The following BCAS3 variants were observed in gnomAD, a reference collection of about 807,000 sequenced individuals.
The protein encoded by BCAS3 is BCAS3 microtubule associated cell migration factor, also known as BCAS4/BCAS3 fusion.
In BCAS3, 53 loss-of-function variants were observed where a neutral mutation model predicts 116.1. The ratio of observed to expected loss-of-function variants is 0.46; its 90% CI spans 0.37 to 0.57. BCAS3 has a LOEUF of 0.57. Among genes scored for constraint, BCAS3 ranks in the 20% least tolerant of loss-of-function variants. The pLI is 0.00. For missense variants in BCAS3, 917 were observed against 1,165.4 expected (o/e 0.79, Z 3.10); for synonymous variants, 391 against 408.2 (o/e 0.96, Z 0.51).
In BCAS3 at chr17:61,368,324, C is replaced by A. The variant is rs1171806708; in HGVS notation, c.2426-3C>A. 6.3e-7 allele frequency: 1 copy of A among 1,590,832 alleles called. No individual in the cohort carries two copies. Among genetic ancestry groups the A allele is most frequent in the South Asian group, 1.1e-5 (1 of 89,610 alleles). ...AACGTCAGATGTCCCGTGTGTGCCA[C>A]AGGTACCTTTGACAGGAGCGTGACC... On this transcript the variant is annotated splice_polypyrimidine_tract_variant and splice_region_variant and intron_variant, in intron 22 of 23. Coordinates refer to ENST00000407086, the MANE Select transcript of BCAS3 (RefSeq NM_017679.5). This position sits in a 1 kb window ranked among gnomAD's most constrained non-coding sequence, Gnocchi z 6.0.
chr17:61,142,453 C>T (rs570849582), intron 22 of BCAS3, among the ~76,000 whole-genome samples: 1 of 152,218 alleles, frequency 6.6e-6, no homozygotes, highest in Admixed American at 6.5e-5. Context: ...GCCATCAGCC[C>T]TCATGTAAAA....
Position 61,224,795 on chromosome 17 carries a change from A to G in BCAS3, c.2425+140231A>G, listed in dbSNP as rs1429565584. Among the ~76,000 whole-genome samples the G allele has an allele frequency of 6.6e-6, 1 of 152,218 alleles. No individual in the cohort carries two copies. The highest frequency in any genetic ancestry group is 3.2e-3 in the Middle Eastern group (1 of 316). On this transcript the variant is annotated intron_variant, in intron 22 of 23. Coordinates refer to ENST00000407086, the MANE Select transcript of BCAS3 (RefSeq NM_017679.5). The surrounding 1 kb of genome is among the most constrained non-coding windows in gnomAD (Gnocchi z 5.7). ...CATTATTTCAAGATTTAATCAATATAAAAATAGACTGAAGTACTTTTAGCA... is the reference window on the plus strand; with the variant it reads ...CATTATTTCAAGATTTAATCAATATGAAAATAGACTGAAGTACTTTTAGCA...
chr17:61,089,821 C>T (rs562636751), intron 22 of BCAS3, among the ~76,000 whole-genome samples: 46 of 151,168 alleles, frequency 3.0e-4, no homozygotes, highest in South Asian at 6.3e-4. Flanking sequence ...CATGAACCAC[C>T]GCGCCCAACC....
intron 22 of BCAS3, among the ~76,000 whole-genome samples, chr17:61,099,908 A>G (rs1042783072): frequency 6.6e-6 from 1 of 152,246 alleles, no homozygotes; most frequent in Non-Finnish European, 1.5e-5. Flanking sequence ...CATTAAGCCA[A>G]AACATTTTGT....
At position 61,286,757 on chromosome 17, in the gene BCAS3, TACC is replaced by T. The variant is rs1330689100; in HGVS notation, c.2426-81568_2426-81566del. Among the ~76,000 whole-genome samples the T allele has an allele frequency of 6.6e-6, 1 of 152,188 alleles. No individual in the cohort carries two copies. Among genetic ancestry groups the T allele is most frequent in the Non-Finnish European group, 1.5e-5 (1 of 68,034 alleles). ...TGGTCTCTAAACTCTGCCACGGGCTTACCAGAGTGAGAAGTTAGCATATTGAGG... is the reference window on the plus strand; with the variant it reads ...TGGTCTCTAAACTCTGCCACGGGCTTAGAGTGAGAAGTTAGCATATTGAGG... On this transcript the variant is annotated intron_variant, in intron 22 of 23. Transcript: ENST00000407086. This position sits in a 1 kb window ranked among gnomAD's most constrained non-coding sequence, Gnocchi z 4.8.
rs1555861730 is a variant in BCAS3 at position 61,375,246 on chromosome 17, G to GTGTGTGCGCGCGCGCGCGCGCGCACA, written c.2593+6758_2593+6759insCGCGCGCGCGCGCGCGCACATGTGTG. Reference sequence around the variant, plus strand: ...TGTGTGTGTGTGTGTGTGTGTGTGTGTGTGTGTGTACTAATAAAGTCTTTC... The same window carrying GTGTGTGCGCGCGCGCGCGCGCGCACA: ...TGTGTGTGTGTGTGTGTGTGTGTGTGTGTGTGCGCGCGCGCGCGCGCGCACATGTGTGTGTACTAATAAAGTCTTTC... On this transcript the variant is annotated intron_variant, in intron 23 of 23. Transcript: ENST00000407086. Among the ~76,000 whole-genome samples the GTGTGTGCGCGCGCGCGCGCGCGCACA allele has an allele frequency of 5.7e-3, 858 of 150,776 alleles. 6 individuals are homozygous for GTGTGTGCGCGCGCGCGCGCGCGCACA. Among genetic ancestry groups the GTGTGTGCGCGCGCGCGCGCGCGCACA allele is most frequent in the African/African-American group, 0.02 (802 of 40,268 alleles).
intron 22 of BCAS3, among the ~76,000 whole-genome samples, chr17:61,101,522 A>C (rs1315345502): frequency 6.6e-6 from 1 of 152,154 alleles, no homozygotes; most frequent in Non-Finnish European, 1.5e-5. Flanking sequence ...ATATGGATTA[A>C]AGCTTAAAAC....
At chr17:60,868,187 C>T (rs1599295210) in intron 7 of BCAS3, among the ~76,000 whole-genome samples, 1 of 151,728 alleles carries the variant, frequency 6.6e-6, no homozygotes, top group South Asian at 2.1e-4. Context: ...ACCATGCCTG[C>T]CTAATTTTTG....
At chr17:60,838,734 T>G (rs191126996) in intron 7 of BCAS3, among the ~76,000 whole-genome samples, 1 of 152,226 alleles carries the variant, frequency 6.6e-6, no homozygotes, top group Non-Finnish European at 1.5e-5. Context: ...GACTTCTATA[T>G]ACCGCCATTT....
Position 61,285,923 on chromosome 17 carries a change from T to A in BCAS3, c.2426-82404T>A, listed in dbSNP as rs2051726445. Among the ~76,000 whole-genome samples the A allele has an allele frequency of 6.6e-6, 1 of 152,214 alleles. No homozygotes were observed. On this transcript the variant is annotated intron_variant, in intron 22 of 23. Coordinates refer to ENST00000407086, the MANE Select transcript of BCAS3 (RefSeq NM_017679.5). This position sits in a 1 kb window ranked among gnomAD's most constrained non-coding sequence, Gnocchi z 5.4. ...TTTTTTTTAGTTTCAAGACTTAGCT[T>A]ACACACACACTCAAGTTACGTGAAT...
At chr17:60,771,599 C>T (rs762377877) in intron 6 of BCAS3, among the ~76,000 whole-genome samples, 3 of 151,682 alleles carry the variant, frequency 2.0e-5, no homozygotes, top group South Asian at 4.2e-4. Flanking sequence ...ATGTGCACAA[C>T]GTGCAGGTTT....
Position 61,324,873 on chromosome 17 carries a change from T to G in BCAS3, c.2426-43454T>G, listed in dbSNP as rs933422359. Among the ~76,000 whole-genome samples the G allele has an allele frequency of 2.0e-5, 3 of 151,810 alleles. No individual in the cohort carries two copies. Among genetic ancestry groups the G allele is most frequent in the African/African-American group, 7.3e-5 (3 of 41,298 alleles). ...AAAAGAAGATGTAGACTGTGTGATC[T>G]CTGAAATTTCTCCATGTTCAAAAGT... On this transcript the variant is annotated intron_variant, in intron 22 of 23. Transcript: ENST00000407086. This position sits in a 1 kb window ranked among gnomAD's most constrained non-coding sequence, Gnocchi z 4.6.
chr17:61,003,380 C>T (rs1198602069), intron 15 of BCAS3, among the ~76,000 whole-genome samples: 1 of 132,414 alleles, frequency 7.6e-6, no homozygotes, highest in African/African-American at 2.8e-5. Flanking sequence ...ATGCCCTCCC[C>T]TCCCCTCCCC....
At chr17:60,812,683 A>G (rs543739842) in intron 7 of BCAS3, among the ~76,000 whole-genome samples, 2 of 152,044 alleles carry the variant, frequency 1.3e-5, no homozygotes, top group Non-Finnish European at 2.9e-5. Context: ...CAATACATAC[A>G]TACATACATA....
intron 17 of BCAS3, among the ~76,000 whole-genome samples, chr17:61,036,957 G>T (rs749818521): frequency 6.6e-6 from 1 of 152,272 alleles, no homozygotes; most frequent in South Asian, 2.1e-4. Context: ...ATGAGCAGAA[G>T]GTCCAGAGAT....
Position 61,226,686 on chromosome 17 carries a change from A to G in BCAS3, c.2426-141641A>G, listed in dbSNP as rs535347596. Among the ~76,000 whole-genome samples the G allele has an allele frequency of 1.6e-4, 24 of 152,268 alleles. No individual in the cohort carries two copies. The South Asian group carries it at 5.0e-3, about 32-fold the overall frequency. On this transcript the variant is annotated intron_variant, in intron 22 of 23. Coordinates refer to ENST00000407086, the MANE Select transcript of BCAS3 (RefSeq NM_017679.5). This position sits in a 1 kb window ranked among gnomAD's most constrained non-coding sequence, Gnocchi z 6.0. Reference sequence around the variant, plus strand: ...TTTCTGTATTTTTTCCTTTTTTGCCATCAAAGCTGAGAACCTTATCTCTTA... The same window carrying G: ...TTTCTGTATTTTTTCCTTTTTTGCCGTCAAAGCTGAGAACCTTATCTCTTA...
At chr17:61,314,479 C>T (rs2054574206) in intron 22 of BCAS3, among the ~76,000 whole-genome samples, 2 of 152,314 alleles carry the variant, frequency 1.3e-5, no homozygotes, top group South Asian at 4.1e-4. Context: ...TGAATTTGGC[C>T]TCCTTTGAGC....
At position 61,234,809 on chromosome 17, in the gene BCAS3, A is replaced by G. The variant is rs2082904803; in HGVS notation, c.2426-133518A>G. Among the ~76,000 whole-genome samples the G allele has an allele frequency of 2.0e-5, 3 of 151,040 alleles. No individual in the cohort carries two copies. The South Asian group carries it at 6.3e-4, about 31-fold the overall frequency. On this transcript the variant is annotated intron_variant, in intron 22 of 23. Coordinates refer to ENST00000407086, the MANE Select transcript of BCAS3 (RefSeq NM_017679.5). ...AAAAAAAAAAAAAAAAAAAAATCAT[A>G]GTACTGCTTCGCATTTTCTCTCAAC...
chr17:60,727,537 ACT>A, intron 5 of BCAS3: 2 of 1,272,160 alleles, frequency 1.6e-6, no homozygotes, highest in East Asian at 2.6e-5. Flanking sequence ...GGCATCTGAG[ACT>A]CTCGCCTCGC....
Sources: gnomAD v4.1 joint callset for allele counts (sites outside exome capture counted in the v4.1 genomes callset) on GRCh38, gnomAD v4.1.1 for gene constraint, Gnocchi (gnomAD v3.1) non-coding constraint, MANE v1.5 for transcripts, NCBI Gene and HGNC (gene_info 2026-07-23, HGNC 2026-07-21) for gene names.